ZNF610: variants seen among roughly 807,000 people sequenced by gnomAD.
ZNF610 encodes zinc finger protein 610, also known as zink finger protein.
ZNF610 carries 14 observed loss-of-function variants against 14.1 expected under a neutral mutation model. That is an observed-to-expected ratio of 0.99 (90% CI 0.65 to 1.55). ZNF610 has a LOEUF of 1.55. Among genes scored for constraint, ZNF610 ranks in the 40% most tolerant of loss-of-function variants. The pLI is 0.00. For missense variants in ZNF610, 530 were observed against 558.0 expected (o/e 0.95, Z 0.51); for synonymous variants, 185 against 187.6 (o/e 0.99, Z 0.11).
chr19:52,341,732 T>C (rs898190817), intron 1 of ZNF610, among the ~76,000 whole-genome samples: 19 of 152,160 alleles, frequency 1.2e-4, no homozygotes, highest in Admixed American at 5.9e-4. Context: ...GCTCAAATGA[T>C]CCTCCTGCCT....
chr19:52,342,542 C>T (rs1277572799), intron 1 of ZNF610, among the ~76,000 whole-genome samples: 3 of 141,142 alleles, frequency 2.1e-5, no homozygotes, highest in African/African-American at 7.9e-5. Context: ...TTTTTTGAGA[C>T]GGAGTCTTAC....
intron 5 of ZNF610, among the ~76,000 whole-genome samples, chr19:52,361,239 C>T (rs561464220): frequency 2.3e-4 from 35 of 150,798 alleles, no homozygotes; most frequent in African/African-American, 8.3e-4. Context: ...AGTGCACTGG[C>T]GCGATCTCGG....
chr19:52,339,947 C>CTG (rs1984596458), intron 1 of ZNF610, among the ~76,000 whole-genome samples: 1 of 152,210 alleles, frequency 6.6e-6, no homozygotes, highest in African/African-American at 2.4e-5. Flanking sequence ...GCGTGAGCCA[C>CTG]CGATCCTGGC....
chr19:52,365,544 C>T (rs1174870731), intron 5 of ZNF610, among the ~76,000 whole-genome samples, 154 bp from the exon 6 acceptor site: 1 of 152,164 alleles, frequency 6.6e-6, no homozygotes, highest in Non-Finnish European at 1.5e-5. Context: ...CATCACGTCA[C>T]CCCCTTGTGT....
intron 5 of ZNF610, among the ~76,000 whole-genome samples, chr19:52,357,513 C>T (rs1340422503): frequency 6.6e-6 from 1 of 151,886 alleles, no homozygotes; most frequent in Non-Finnish European, 1.5e-5. Flanking sequence ...GGTGTGGTTG[C>T]AGACGCCTGT....
chr19:52,343,477 G>T (rs1259927465), intron 1 of ZNF610, among the ~76,000 whole-genome samples: 1 of 86,620 alleles, frequency 1.2e-5, no homozygotes, highest in Non-Finnish European at 2.4e-5. Flanking sequence ...GCTGAGGCAG[G>T]AGAATTGCTT....
At chr19:52,338,329 A>G (rs1387949006) in intron 1 of ZNF610, among the ~76,000 whole-genome samples, 1 of 152,186 alleles carries the variant, frequency 6.6e-6, no homozygotes, top group East Asian at 1.9e-4. Flanking sequence ...TACAAACCAT[A>G]TTACAAAGGA....
upstream of ZNF610, among the ~76,000 whole-genome samples, chr19:52,333,491 C>T (rs568697427): frequency 3.3e-5 from 5 of 152,328 alleles, no homozygotes; most frequent in South Asian, 4.1e-4. Flanking sequence ...TCATGTGTTA[C>T]GTCCCAGGCT....
rs1986121117 is a variant in ZNF610, at chr19:52,366,817, A to T, written c.*50A>T. 3 of 1,431,204 alleles carry T rather than the reference A, an allele frequency of 2.1e-6. No homozygotes were observed. The highest frequency in any genetic ancestry group is 2.9e-6 in the Non-Finnish European group (3 of 1,045,046). 88.7% of individuals were successfully genotyped at this position (1,431,204 alleles called of 1,614,324 possible). On this transcript the variant is annotated 3_prime_UTR_variant, in exon 6 of 6. Coordinates refer to ENST00000403906, the MANE Select transcript of ZNF610 (RefSeq NM_001161425.2). ...TTCACACCTAGCACAACATTGGAGG[A>T]CTCAGGAGAAAAACCTTACAAATAT...
intron 1 of ZNF610, among the ~76,000 whole-genome samples, chr19:52,343,374 C>G (rs541642914): frequency 6.6e-6 from 1 of 152,148 alleles, no homozygotes; most frequent in East Asian, 1.9e-4. Context: ...GCACTCCAGC[C>G]TGTGCAACAG....
Position 52,344,445 on chromosome 19 carries a change from A to T in ZNF610, c.-257-3262A>T, listed in dbSNP as rs191325538. Among the ~76,000 whole-genome samples the T allele has an allele frequency of 1.1e-4, 16 of 152,094 alleles. 1 individual carries two copies. The highest frequency in any genetic ancestry group is 1.0e-3 in the Admixed American group (16 of 15,276). On this transcript the variant is annotated intron_variant, in intron 1 of 5. Coordinates refer to ENST00000403906, the MANE Select transcript of ZNF610 (RefSeq NM_001161425.2). ...TGTCTGGATCCTGGTGACAGCAAGG[A>T]CCCAAGGGGAGAGACGAGCCAGAAG...
At chr19:52,361,086 T>C (rs973534916) in intron 5 of ZNF610, among the ~76,000 whole-genome samples, 1 of 152,232 alleles carries the variant, frequency 6.6e-6, no homozygotes. Flanking sequence ...TTACTCGTCT[T>C]AGTGTTTCTA....
chr19:52,353,867 C>T, intron 4 of ZNF610, 59 bp downstream of exon 4: 1 of 1,551,268 alleles, frequency 6.4e-7, no homozygotes, highest in East Asian at 2.3e-5. Context: ...TGCATTTTCT[C>T]TTGCGTGCCT....
chr19:52,347,036 A>G, intron 1 of ZNF610: 1 of 152,190 alleles, frequency 6.6e-6, no homozygotes, highest in East Asian at 1.9e-4. Flanking sequence ...CCCTCAGCTA[A>G]CTTTCAGATT....
At chr19:52,361,455 G>A (rs1050816129) in intron 5 of ZNF610, among the ~76,000 whole-genome samples, 2 of 152,016 alleles carry the variant, frequency 1.3e-5, no homozygotes, top group Non-Finnish European at 2.9e-5. Context: ...GGGATTACAG[G>A]CGTGAGCCAC....
rs1237648388 is a variant in ZNF610, at chr19:52,366,273, G to A, written c.895G>A (p.Glu299Lys). The change falls in exon 6 of 6, where the codon GAG (glutamate) becomes AAG (lysine). Residue 299 changes from glutamate to lysine, a missense_variant. Transcript: ENST00000403906. ...TAACGAATGTGGCAAAGCTTTTAGA[G>A]AGTGTTCGGGACTTACTACCCATCT... The part of the protein sequence containing the change: ...KCNECGKAFR[E>K]CSGLTTHLVI... 1 of 1,613,224 alleles carries A rather than the reference G, an allele frequency of 6.2e-7. No individual in the cohort carries two copies. The highest frequency in any genetic ancestry group is 8.5e-7 in the Non-Finnish European group (1 of 1,179,382).
chr19:52,364,700 T>TC (rs1236683324), intron 5 of ZNF610, among the ~76,000 whole-genome samples: 2 of 152,052 alleles, frequency 1.3e-5, no homozygotes, highest in African/African-American at 4.8e-5. Flanking sequence ...GCCTCAGCCT[T>TC]CCAAGTAGCT....
chr19:52,359,799 C>T (rs1048163602), intron 5 of ZNF610, among the ~76,000 whole-genome samples: 27 of 152,128 alleles, frequency 1.8e-4, no homozygotes, highest in Non-Finnish European at 3.8e-4. Flanking sequence ...CAAAGGCTTC[C>T]CCCATTTCCC....
chr19:52,353,860 A>T, intron 4 of ZNF610, 52 bp downstream of exon 4: 7 of 1,562,516 alleles, frequency 4.5e-6, no homozygotes, highest in Non-Finnish European at 5.2e-6. Flanking sequence ...CTGTCTTTGC[A>T]TTTTCTCTTG....
Sources: allele counts gnomAD v4.1 joint callset (sites outside exome capture counted in the v4.1 genomes callset), GRCh38; gene constraint gnomAD v4.1.1; transcripts MANE v1.5; gene names NCBI Gene and HGNC (gene_info 2026-07-23, HGNC 2026-07-21).